The following PCDHGB5 variants were observed in gnomAD, a reference collection of about 807,000 sequenced individuals.
PCDHGB5 encodes the protein protocadherin gamma-B5.
Under a neutral mutation model 62.9 loss-of-function variants are expected in PCDHGB5, and 48 were observed. The ratio of observed to expected loss-of-function variants is 0.76; its 90% CI spans 0.61 to 0.97. The LOEUF (loss-of-function observed/expected upper bound fraction) is 0.97. Among genes scored for constraint, PCDHGB5 ranks in the 50% least tolerant of loss-of-function variants. PCDHGB5 has a pLI of 0.00. For synonymous variants in PCDHGB5, 474 were observed against 511.2 expected, an observed-to-expected ratio of 0.93 and a Z score of 0.98; for missense variants, 1,118 against 1,198.6, an observed-to-expected ratio of 0.93 and a Z score of 0.99.
In PCDHGB5 at chr5:141,474,057, G is replaced by A. The variant is rs546654716; in HGVS notation, c.2398-20750G>A. Among the ~76,000 whole-genome samples, 3 of 152,192 alleles carry A rather than the reference G, an allele frequency of 2.0e-5. No homozygotes were observed. In the East Asian group the frequency reaches 5.8e-4, roughly 29 times the overall value. On this transcript the variant is annotated intron_variant, in intron 1 of 3. Transcript: ENST00000617380. ...TGTACTCCAGCCTGGATGACAGAGC[G>A]AGATCCTGCCTCAGAAACAAAAACC... is the stretch of plus-strand genomic sequence containing the variant.
chr5:141,409,033 A>C, intron 1 of PCDHGB5: 1 of 1,614,028 alleles, frequency 6.2e-7, no homozygotes, highest in South Asian at 1.1e-5. Context: ...ATGCTGAGAT[A>C]AACTACTACT....
chr5:141,409,345 A>T lies in PCDHGB5; in HGVS notation c.2397+8821A>T, dbSNP rs1012428329. 4 of 1,613,902 alleles carry T rather than the reference A, an allele frequency of 2.5e-6. No individual in the cohort carries two copies. In the African/African-American group the frequency reaches 5.3e-5, roughly 22 times the overall value. ...ATCTGGATTTCGGAGGAAATGGAGAAGTCAGGTGTAATATAGAAACAGACA... is the reference window on the plus strand; with the variant it reads ...ATCTGGATTTCGGAGGAAATGGAGATGTCAGGTGTAATATAGAAACAGACA... On this transcript the variant is annotated intron_variant, in intron 1 of 3. Transcript: ENST00000617380.
intron 1 of PCDHGB5, among the ~76,000 whole-genome samples, chr5:141,437,686 G>A (rs1025629140): frequency 2.6e-5 from 4 of 151,740 alleles, no homozygotes; most frequent in African/African-American, 9.7e-5. Flanking sequence ...AACTGATGAG[G>A]CTAAATCTCA....
chr5:141,402,843 G>C (rs1370040306), intron 1 of PCDHGB5: 5 of 1,399,114 alleles, frequency 3.6e-6, no homozygotes, highest in Non-Finnish European at 4.7e-6. Flanking sequence ...GCAAAACTCA[G>C]CCTCTTTCTT....
chr5:141,417,034 T>C (rs1408752235), intron 1 of PCDHGB5: 1 of 151,548 alleles, frequency 6.6e-6, no homozygotes, highest in Non-Finnish European at 1.5e-5. Context: ...ACAGGTTTTT[T>C]TTTTAAAAAA....
chr5:141,491,148 G>A lies in PCDHGB5; in HGVS notation c.2398-3659G>A. The A allele has an allele frequency of 6.8e-6, 11 of 1,614,140 alleles. No homozygotes were observed. The highest frequency in any genetic ancestry group is 9.3e-6 in the Non-Finnish European group (11 of 1,179,990). The stretch of plus-strand genomic sequence containing the variant: ...TGCGCACAGCCCGGGCCTTACTGGA[G>A]GATGACTCTGACACCCAGCAGGTGG... On this transcript the variant is annotated intron_variant, in intron 1 of 3. Transcript: ENST00000617380. The surrounding 1 kb of genome is among the most constrained non-coding windows in gnomAD (Gnocchi z 6.9).
chr5:141,498,523 G>A (rs555386753), intron 2 of PCDHGB5, among the ~76,000 whole-genome samples: 1 of 151,580 alleles, frequency 6.6e-6, no homozygotes, highest in Admixed American at 6.6e-5. Context: ...CTTGCCCACT[G>A]CCCTCCAGCC....
Position 141,399,478 on chromosome 5 carries a change from G to T in PCDHGB5, c.1351G>T (p.Ala451Ser), listed in dbSNP as rs367753385. ...CGATAACGCTCCGGTTTTCCACCAG[G>T]CGTCCTACTTAGTCAGTGTACCCGA... is the stretch of plus-strand genomic sequence containing the variant. ...VNDNAPVFHQ[A>S]SYLVSVPENN... Residue 451 changes from alanine to serine, a missense_variant, in exon 1 of 4, where the codon GCG becomes TCG. Transcript: ENST00000617380. 2.0e-5 allele frequency: 32 copies of T among 1,613,894 alleles called. No individual in the cohort carries two copies. The highest frequency in any genetic ancestry group is 2.6e-5 in the Non-Finnish European group (31 of 1,179,902).
chr5:141,410,239 T>C, intron 1 of PCDHGB5: 2 of 1,614,024 alleles, frequency 1.2e-6, no homozygotes, highest in Admixed American at 1.7e-5. Flanking sequence ...GCGACCGCCC[T>C]GTACTCTCTG....
At chr5:141,464,137 C>T (rs1015442185) in intron 1 of PCDHGB5, among the ~76,000 whole-genome samples, 9 of 151,928 alleles carry the variant, frequency 5.9e-5, no homozygotes, top group Non-Finnish European at 7.4e-5. Context: ...TGGTGGTGGG[C>T]GCCTGTAGTC....
rs978782104 is a variant in PCDHGB5 at position 141,431,445 on chromosome 5, G to C, written c.2397+30921G>C. 1 of 1,613,742 alleles carries C rather than the reference G, an allele frequency of 6.2e-7. No homozygotes were observed. On this transcript the variant is annotated intron_variant, in intron 1 of 3. Transcript: ENST00000617380. This position sits in a 1 kb window ranked among gnomAD's most constrained non-coding sequence, Gnocchi z 4.8. ...GTGCGCACAGGCACCGCGCGCATCC[G>C]CGTGATGGTTCTGGATGCGAACGAC...
chr5:141,429,879 A>T (rs2097250861), intron 1 of PCDHGB5, among the ~76,000 whole-genome samples: 1 of 152,210 alleles, frequency 6.6e-6, no homozygotes, highest in African/African-American at 2.4e-5. Context: ...TCTTTTACTA[A>T]GTTTCCTGAA....
At chr5:141,404,319 C>T in intron 1 of PCDHGB5, 3 of 1,613,900 alleles carry the variant, frequency 1.9e-6, no homozygotes, top group East Asian at 4.5e-5. Context: ...TCTCAAGCCT[C>T]CTACTCAGTC....
At chr5:141,450,006 C>CTTTTTTT (rs1554136305) in intron 1 of PCDHGB5, among the ~76,000 whole-genome samples, 1 of 132,982 alleles carries the variant, frequency 7.5e-6, no homozygotes, top group Admixed American at 7.8e-5. Context: ...TGCCATGTCT[C>CTTTTTTT]TTTTTTTTTT....
In PCDHGB5 at chr5:141,491,759, G is replaced by C. The variant is rs746395685; in HGVS notation, c.2398-3048G>C. 3 of 1,575,392 alleles carry C rather than the reference G, an allele frequency of 1.9e-6. No individual in the cohort carries two copies. Among genetic ancestry groups the C allele is most frequent in the Non-Finnish European group, 2.6e-6 (3 of 1,161,808 alleles). ...GGGGGCGGCACTGGAGAAGCCGCCC[G>C]TCCTCATAAGGGATTGAACTTGCAT... On this transcript the variant is annotated intron_variant, in intron 1 of 3. Coordinates refer to ENST00000617380, the MANE Select transcript of PCDHGB5 (RefSeq NM_018925.3). The surrounding 1 kb of genome is among the most constrained non-coding windows in gnomAD (Gnocchi z 6.9).
At position 141,490,909 on chromosome 5, in the gene PCDHGB5, G is replaced by A. The variant is rs1170664693; in HGVS notation, c.2398-3898G>A. On this transcript the variant is annotated intron_variant, in intron 1 of 3. Coordinates refer to ENST00000617380, the MANE Select transcript of PCDHGB5 (RefSeq NM_018925.3). The surrounding 1 kb of genome is among the most constrained non-coding windows in gnomAD (Gnocchi z 5.4). ...ATCTCTGCATGTGTTTGTCCTAGAC[G>A]AGAATGATAATGCCCCAGCTGTGCT... The A allele has an allele frequency of 1.1e-5, 17 of 1,613,626 alleles. No individual in the cohort carries two copies. Among genetic ancestry groups the A allele is most frequent in the East Asian group, 4.5e-5 (2 of 44,882 alleles).
intron 1 of PCDHGB5, chr5:141,422,347 G>A (rs1456770985): frequency 3.9e-6 from 6 of 1,553,980 alleles, no homozygotes; most frequent in Non-Finnish European, 5.2e-6. Context: ...AAATGTGCAA[G>A]ATCAAGATTC....
chr5:141,474,180 A>G (rs763042503), intron 1 of PCDHGB5, among the ~76,000 whole-genome samples: 4 of 152,240 alleles, frequency 2.6e-5, no homozygotes, highest in Non-Finnish European at 4.4e-5. Context: ...TGAGAAAACT[A>G]CTTACATTTT....
At chr5:141,405,357 A>G in intron 1 of PCDHGB5, 1 of 1,613,846 alleles carries the variant, frequency 6.2e-7, no homozygotes, top group Non-Finnish European at 8.5e-7. Flanking sequence ...TTTCCTATAG[A>G]AGACACCCCT....
Sources: gnomAD v4.1 joint callset for allele counts (sites outside exome capture counted in the v4.1 genomes callset) on GRCh38, gnomAD v4.1.1 for gene constraint, Gnocchi (gnomAD v3.1) non-coding constraint, MANE v1.5 for transcripts, NCBI Gene and HGNC (gene_info 2026-07-23, HGNC 2026-07-21) for gene names.